Variants in FAM20A observed in about 807,000 individuals in gnomAD.
The protein encoded by FAM20A is FAM20A golgi associated secretory pathway pseudokinase.
In FAM20A, 42 loss-of-function variants were observed where a neutral mutation model predicts 52.0. The ratio of observed to expected loss-of-function variants is 0.81; its 90% confidence interval spans 0.63 to 1.04. The LOEUF is 1.04. Among genes scored for constraint, FAM20A ranks in the 50% least tolerant of loss-of-function variants. The pLI, the probability that FAM20A is intolerant of heterozygous loss-of-function variation, is 0.00. For missense variants in FAM20A, 742 were observed against 712.7 expected, an observed-to-expected ratio of 1.04 and a Z score of -0.47; for synonymous variants, 304 against 298.9, an observed-to-expected ratio of 1.02 and a Z score of -0.18.
chr17:68,595,291 G>C (rs1010779845), intron 1 of FAM20A, among the ~76,000 whole-genome samples: 5 of 152,172 alleles, frequency 3.3e-5, no homozygotes, highest in African/African-American at 1.2e-4. Context: ...TTTCTTGGAT[G>C]AATGACACTG....
intron 4 of FAM20A, among the ~76,000 whole-genome samples, chr17:68,551,538 C>T (rs961276503): frequency 2.6e-5 from 4 of 152,006 alleles, no homozygotes; most frequent in African/African-American, 9.7e-5. Flanking sequence ...ATGAGATGGT[C>T]TCTTTCAGCC....
chr17:68,573,419 C>T (rs1815950747), intron 1 of FAM20A, among the ~76,000 whole-genome samples: 1 of 151,932 alleles, frequency 6.6e-6, no homozygotes, highest in Admixed American at 6.6e-5. Context: ...TTCTCCCTTT[C>T]CCTTTCTTTC....
At position 68,547,771 on chromosome 17, in the gene FAM20A, G is replaced by A. The variant is rs147759736; in HGVS notation, c.720-4050C>T. Among the ~76,000 whole-genome samples the A allele has an allele frequency of 6.6e-4, 101 of 152,350 alleles. No individual in the cohort carries two copies. The Middle Eastern group carries it at 0.01, about 15-fold the overall frequency. On this transcript the variant is annotated intron_variant, in intron 4 of 10. Transcript: ENST00000592554. ...CTTGCTCCGTATCAGCAGTGAGGCT[G>A]TTTTGCTTTCTTATCATTCGTGTTT...
chr17:68,584,682 AGAGG>A (rs1294837901), intron 1 of FAM20A, among the ~76,000 whole-genome samples: 1 of 152,200 alleles, frequency 6.6e-6, no homozygotes, highest in African/African-American at 2.4e-5. Context: ...TCCTGCCAGG[AGAGG>A]GAGGAAGAAG....
intron 1 of FAM20A, among the ~76,000 whole-genome samples, chr17:68,577,076 G>A (rs1178224412): frequency 1.3e-5 from 2 of 152,164 alleles, no homozygotes; most frequent in African/African-American, 4.8e-5. Context: ...TTTGGCTATA[G>A]AGCTAAGATC....
intron 1 of FAM20A, among the ~76,000 whole-genome samples, chr17:68,580,407 C>T (rs538146616): frequency 2.0e-5 from 3 of 152,198 alleles, no homozygotes; most frequent in Admixed American, 2.0e-4. Flanking sequence ...ATTCCTTTCT[C>T]GTTAAAATAC....
At chr17:68,539,050 CAGT>C (rs1568717326) in intron 10 of FAM20A, among the ~76,000 whole-genome samples, 1 of 152,124 alleles carries the variant, frequency 6.6e-6, no homozygotes, top group South Asian at 2.1e-4. Flanking sequence ...CTTTACAACA[CAGT>C]GGTGGATAGC....
rs1481804426 is a variant in FAM20A, at chr17:68,535,539, A to T, written c.*1938T>A. 1 of 454,092 alleles carries T rather than the reference A, an allele frequency of 2.2e-6. No homozygotes were observed. The allele number at this position is 454,092 out of a possible 1,614,324, so 28.1% of individuals were successfully genotyped here. On this transcript the variant is annotated 3_prime_UTR_variant, in exon 11 of 11. Transcript: ENST00000592554. ...TGTGATCTCCTGGTTCTTCATCCAC[A>T]GGGAAGAAACATCTTGAAGCAGGAG...
At chr17:68,555,421 A>C (rs2087022413) in intron 2 of FAM20A, 138 bp downstream of exon 2, 2 of 956,442 alleles carry the variant, frequency 2.1e-6, no homozygotes, top group Non-Finnish European at 3.4e-6. Context: ...AGGGAAAAAG[A>C]TCAATGCATA....
intron 1 of FAM20A, among the ~76,000 whole-genome samples, chr17:68,589,578 A>G (rs1413752202): frequency 2.0e-5 from 3 of 152,186 alleles, no homozygotes; most frequent in Non-Finnish European, 4.4e-5. Context: ...CAAGGGGAGC[A>G]GAAGTCTTGG....
chr17:68,565,393 T>A (rs2087349194), intron 1 of FAM20A, among the ~76,000 whole-genome samples: 1 of 115,712 alleles, frequency 8.6e-6, no homozygotes, highest in African/African-American at 4.3e-5. Flanking sequence ...CTTTTTTTTT[T>A]TTTTTTTTTT....
At chr17:68,552,774 C>T (rs373624194) in intron 3 of FAM20A, among the ~76,000 whole-genome samples, 4,014 of 120,674 alleles carry the variant, frequency 0.033, 456 homozygotes, top group African/African-American at 0.11. Flanking sequence ...CTCCGCTTCC[C>T]GGGTTCACGC....
At chr17:68,595,937 C>A (rs1325473804) in intron 1 of FAM20A, among the ~76,000 whole-genome samples, 1 of 152,156 alleles carries the variant, frequency 6.6e-6, no homozygotes, top group African/African-American at 2.4e-5. Flanking sequence ...CGAGGCAATT[C>A]TTATTTCTAG....
chr17:68,565,750 A>C (rs2087360318), intron 1 of FAM20A, among the ~76,000 whole-genome samples: 1 of 151,648 alleles, frequency 6.6e-6, no homozygotes, highest in South Asian at 2.1e-4. Flanking sequence ...TAACCCTCTT[A>C]TCTGGATCCT....
At chr17:68,554,999 C>T (rs2087014024) in intron 2 of FAM20A, among the ~76,000 whole-genome samples, 172 bp from the exon 3 acceptor site, 1 of 152,176 alleles carries the variant, frequency 6.6e-6, no homozygotes, top group East Asian at 1.9e-4. Context: ...CTGTAGCCTC[C>T]TTCCCTGCTG....
Position 68,600,687 on chromosome 17 carries a change from C to G in FAM20A, c.-21G>C. The G allele has an allele frequency of 6.5e-7, 1 of 1,530,360 alleles. No individual in the cohort carries two copies. The highest frequency in any genetic ancestry group is 8.7e-7 in the Non-Finnish European group (1 of 1,145,038). The allele number at this position is 1,530,360 out of a possible 1,614,324, so 94.8% of individuals were successfully genotyped here. ...GGCATGGCGTGCTGGCCAAGGGGGACGCCGGGGGCAGGCCGGCTGTCTCCG... is the reference window on the plus strand; with the variant it reads ...GGCATGGCGTGCTGGCCAAGGGGGAGGCCGGGGGCAGGCCGGCTGTCTCCG... On this transcript the variant is annotated 5_prime_UTR_variant, in exon 1 of 11. Coordinates refer to ENST00000592554, the MANE Select transcript of FAM20A (RefSeq NM_017565.4). The surrounding 1 kb of genome is among the most constrained non-coding windows in gnomAD (Gnocchi z 6.2).
chr17:68,582,491 C>G (rs957211994), intron 1 of FAM20A: 1 of 152,232 alleles, frequency 6.6e-6, no homozygotes, highest in Admixed American at 6.5e-5. Context: ...TCATCATCAT[C>G]CACCCAAACA....
intron 9 of FAM20A, 126 bp downstream of exon 9, chr17:68,539,759 G>A (rs2086207330): frequency 1.2e-5 from 10 of 866,280 alleles, no homozygotes; most frequent in East Asian, 2.6e-5. Flanking sequence ...AGCCGGGCTC[G>A]AAGGAGACAA....
In FAM20A at chr17:68,536,144, T is replaced by C. The variant is rs2086090995; in HGVS notation, c.*1333A>G. ...GTACCACGGGGTCAGAAGTGTTATT[T>C]GTCCAGTCGAGGCTATCTTTGCTCA... On this transcript the variant is annotated 3_prime_UTR_variant, in exon 11 of 11. Transcript: ENST00000592554. The C allele has an allele frequency of 2.2e-6, 1 of 453,992 alleles. No homozygotes were observed. Among genetic ancestry groups the C allele is most frequent in the African/African-American group, 2.0e-5 (1 of 50,006 alleles). 28.1% of individuals were successfully genotyped at this position (453,992 alleles called of 1,614,324 possible).
Sources: gnomAD v4.1 joint callset for allele counts (sites outside exome capture counted in the v4.1 genomes callset) on GRCh38, gnomAD v4.1.1 for gene constraint, Gnocchi (gnomAD v3.1) non-coding constraint, MANE v1.5 for transcripts, NCBI Gene and HGNC (gene_info 2026-07-23, HGNC 2026-07-21) for gene names.